Variants in ARMH4 observed in about 807,000 individuals in gnomAD.
ARMH4 encodes armadillo like helical domain containing 4, also known as armadillo-like helical domain-containing protein 4.
ARMH4 carries 49 observed loss-of-function variants against 61.9 expected under a neutral mutation model. That is an observed-to-expected ratio of 0.79 (90% CI 0.63 to 1.00). ARMH4 has a LOEUF of 1.00. Ranked by LOEUF, ARMH4 falls within the 50% of genes least tolerant of loss-of-function variation. The pLI, the probability that ARMH4 is intolerant of heterozygous loss-of-function variation, is 0.00. For synonymous variants in ARMH4, 368 were observed against 341.5 expected (o/e 1.08, Z -0.85); for missense variants, 934 against 930.0 (o/e 1.00, Z -0.06).
At chr14:58,103,795 T>C (rs1347708737) in intron 4 of ARMH4, among the ~76,000 whole-genome samples, 1 of 152,118 alleles carries the variant, frequency 6.6e-6, no homozygotes, top group African/African-American at 2.4e-5. Context: ...AATTTTAGTG[T>C]CCTTTGCTCC....
At chr14:58,112,251 CT>C (rs1391605331) in intron 4 of ARMH4, among the ~76,000 whole-genome samples, 1 of 147,212 alleles carries the variant, frequency 6.8e-6, no homozygotes, top group Non-Finnish European at 1.5e-5. Flanking sequence ...GTGTTTGTTA[CT>C]TTATTTTTTC....
At chr14:58,108,808 T>G (rs1334594103) in intron 4 of ARMH4, among the ~76,000 whole-genome samples, 1 of 152,244 alleles carries the variant, frequency 6.6e-6, no homozygotes, top group Non-Finnish European at 1.5e-5. Flanking sequence ...AACATCCTAA[T>G]GTCTAGATAA....
chr14:58,131,265 T>A, intron 4 of ARMH4: 1 of 433,502 alleles, frequency 2.3e-6, no homozygotes, highest in Non-Finnish European at 4.1e-6. Flanking sequence ...TTTATAACTT[T>A]TCTATGTCAC....
intron 5 of ARMH4, among the ~76,000 whole-genome samples, chr14:58,032,812 T>C (rs1883303289): frequency 6.6e-6 from 1 of 152,044 alleles, no homozygotes; most frequent in African/African-American, 2.4e-5. Flanking sequence ...GAAAATCAGG[T>C]CACTCCCACC....
chr14:58,032,842 A>T (rs963198735), intron 5 of ARMH4, among the ~76,000 whole-genome samples: 1 of 152,182 alleles, frequency 6.6e-6, no homozygotes, highest in Non-Finnish European at 1.5e-5. Flanking sequence ...CGCTTTTCAG[A>T]CCGGCTTAAC....
At chr14:58,058,573 T>A (rs920703756) in intron 5 of ARMH4, among the ~76,000 whole-genome samples, 2 of 152,190 alleles carry the variant, frequency 1.3e-5, no homozygotes, top group African/African-American at 4.8e-5. Flanking sequence ...AACTTCCTGA[T>A]GTTGCCATGG....
chr14:58,065,481 A>T (rs1188051003), intron 5 of ARMH4, among the ~76,000 whole-genome samples: 1 of 152,246 alleles, frequency 6.6e-6, no homozygotes, highest in Non-Finnish European at 1.5e-5. Context: ...CTGCAAGTAT[A>T]CAGCATACCC....
intron 5 of ARMH4, among the ~76,000 whole-genome samples, chr14:58,055,737 C>T (rs953728442): frequency 6.6e-6 from 1 of 152,164 alleles, no homozygotes; most frequent in African/African-American, 2.4e-5. Flanking sequence ...AAATGCTCAA[C>T]AGAATTTGGA....
At chr14:58,134,913 T>C (rs8014469) in intron 2 of ARMH4, among the ~76,000 whole-genome samples, 23,331 of 145,540 alleles carry the variant, frequency 0.16, 3,067 homozygotes, top group African/African-American at 0.37. Flanking sequence ...CCTGAGATCA[T>C]GCCACTACAC....
chr14:58,133,479 A>G, intron 2 of ARMH4, 138 bp from the exon 3 acceptor site: 2 of 756,700 alleles, frequency 2.6e-6, no homozygotes, highest in African/African-American at 1.8e-5. Context: ...GAGAACTCAG[A>G]AGTAAAATGA....
At chr14:58,133,049 A>G (rs752308200) in intron 3 of ARMH4, 41 bp downstream of exon 3, 4 of 1,607,542 alleles carry the variant, frequency 2.5e-6, no homozygotes. Context: ...AACAGAAGAG[A>G]TCCACCCCCA....
chr14:58,142,362 G>A (rs950648814), intron 1 of ARMH4, among the ~76,000 whole-genome samples: 1 of 152,146 alleles, frequency 6.6e-6, no homozygotes, highest in African/African-American at 2.4e-5. Flanking sequence ...GTCCTTTCAA[G>A]AAAGAAGAAA....
At chr14:58,116,867 T>A (rs891495867) in intron 4 of ARMH4, among the ~76,000 whole-genome samples, 3 of 152,172 alleles carry the variant, frequency 2.0e-5, no homozygotes, top group African/African-American at 7.2e-5. Flanking sequence ...ATAATTGGTA[T>A]GTTATCCATT....
rs532609304 is a variant in ARMH4 at position 58,044,438 on chromosome 14, T to C, written c.2090-32288A>G. 2.6e-5 allele frequency among the ~76,000 whole-genome samples: 4 copies of C among 152,290 alleles called. No individual in the cohort carries two copies. In the East Asian group the frequency reaches 5.8e-4, roughly 22 times the overall value. ...TGTAGAAAGCTGAAACTGGATCCAT[T>C]CCTTACACCTTATACAAAAATTAAT... On this transcript the variant is annotated intron_variant, in intron 5 of 7. Transcript: ENST00000267485.
intron 5 of ARMH4, among the ~76,000 whole-genome samples, chr14:58,080,951 A>T (rs974616171): frequency 6.6e-6 from 1 of 151,864 alleles, no homozygotes; most frequent in Non-Finnish European, 1.5e-5. Flanking sequence ...AAAACAGAAA[A>T]ATTAGCCAGG....
At chr14:58,108,455 A>C (rs1296658638) in intron 4 of ARMH4, among the ~76,000 whole-genome samples, 1 of 152,204 alleles carries the variant, frequency 6.6e-6, no homozygotes, top group Non-Finnish European at 1.5e-5. Context: ...ATTCTTCTTA[A>C]CATCCTTCTT....
intron 6 of ARMH4, among the ~76,000 whole-genome samples, chr14:58,007,051 G>T (rs1008913654): frequency 1.3e-5 from 2 of 152,156 alleles, no homozygotes; most frequent in African/African-American, 4.8e-5. Flanking sequence ...ACATCAAAGT[G>T]TTGGTGCTCA....
Position 58,138,505 on chromosome 14 carries a change from G to A in ARMH4, c.854C>T (p.Pro285Leu), listed in dbSNP as rs2139977876. ...ETSEYTLSVE[P>L]ETDSLLGAPE... ...GGCTCCCAGCAGACTATCAGTTTCT[G>A]GCTCAACACTCAGGGTGTACTCGGA... The change falls in exon 2 of 8, where the codon CCA (proline) becomes CTA (leucine). Residue 285 changes from proline (P) to leucine (L), a missense_variant. Physicochemically the swap from Pro to Leu is moderately conservative, Grantham distance 98 (BLOSUM62 -3). Transcript: ENST00000267485. 1.2e-6 allele frequency: 2 copies of A among 1,614,200 alleles called. No individual in the cohort carries two copies. The highest frequency in any genetic ancestry group is 1.7e-6 in the Non-Finnish European group (2 of 1,180,026).
intron 1 of ARMH4, among the ~76,000 whole-genome samples, chr14:58,150,275 A>G (rs1430548762): frequency 6.6e-6 from 1 of 152,258 alleles, no homozygotes; most frequent in Non-Finnish European, 1.5e-5. Context: ...TTGACCTCAC[A>G]TCTTGCTTAG....
Sources: gnomAD v4.1 joint callset for allele counts (sites outside exome capture counted in the v4.1 genomes callset) on GRCh38, gnomAD v4.1.1 for gene constraint, MANE v1.5 for transcripts, NCBI Gene and HGNC (gene_info 2026-07-23, HGNC 2026-07-21) for gene names.